SCP2: variants seen among roughly 807,000 people sequenced by gnomAD.
SCP2 encodes SCP-2/3-oxoacyl-CoA thiolase.
In SCP2, 48 loss-of-function variants were observed where a neutral mutation model predicts 71.4. The observed-to-expected ratio is 0.67, with a 90% CI of 0.53 to 0.86. The LOEUF (loss-of-function observed/expected upper bound fraction) is 0.86, where lower values mean the gene tolerates loss of function less well. Among genes scored for constraint, SCP2 ranks in the 40% least tolerant of loss-of-function variants. The pLI is 0.00. For missense variants in SCP2, 560 were observed against 655.6 expected, an observed-to-expected ratio of 0.85 and a Z score of 1.59; for synonymous variants, 220 against 218.1, an observed-to-expected ratio of 1.01 and a Z score of -0.08.
At position 52,974,733 on chromosome 1, in the gene SCP2, C is replaced by T. The variant is rs1009461765; in HGVS notation, c.524-36C>T. On this transcript the variant is annotated intron_variant, in intron 6 of 15. Coordinates refer to ENST00000371514, the MANE Select transcript of SCP2 (RefSeq NM_002979.5). ...GATTTGTTAATAAGCAGCGGAAAAA[C>T]ATTCACCCACTGGTAGATGTTTGCT... 2.8e-6 allele frequency: 3 copies of T among 1,071,674 alleles called. No homozygotes were observed. In the African/African-American group the frequency reaches 4.7e-5, roughly 17 times the overall value. The allele number at this position is 1,071,674 out of a possible 1,614,324, so 66.4% of individuals were successfully genotyped here.
intron 15 of SCP2, chr1:53,049,297 T>A (rs775887746): frequency 6.6e-5 from 10 of 152,260 alleles, no homozygotes; most frequent in Non-Finnish European, 1.3e-4. Flanking sequence ...GGTGTCAGCT[T>A]ATTTTCCTTC....
Position 52,948,039 on chromosome 1 carries a change from C to T in SCP2, c.158C>T (p.Pro53Leu). The T allele has an allele frequency of 1.2e-6, 2 of 1,613,412 alleles. No individual in the cohort carries two copies. The highest frequency in any genetic ancestry group is 1.7e-6 in the Non-Finnish European group (2 of 1,179,456). Residue 53 changes from proline (P) to leucine (L), a missense_variant, in exon 3 of 16, where the codon CCT becomes CTT. Coordinates refer to ENST00000371514, the MANE Select transcript of SCP2 (RefSeq NM_002979.5). ...AAGGCTTTAGCTGATGCACAGATCC[C>T]TTATTCAGCAGTGGACCAGGCATGT... is the stretch of plus-strand genomic sequence containing the variant. ...GKKALADAQI[P>L]YSAVDQACVG...
chr1:52,975,741 A>G (rs983992877), intron 7 of SCP2, among the ~76,000 whole-genome samples: 9 of 152,218 alleles, frequency 5.9e-5, no homozygotes, highest in African/African-American at 1.9e-4. Context: ...TTTGCCAGGA[A>G]ACATAAATAT....
chr1:53,026,359 G>T lies in SCP2; in HGVS notation c.1236-1610G>T, dbSNP rs768766168. On this transcript the variant is annotated intron_variant, in intron 12 of 15. Coordinates refer to ENST00000371514, the MANE Select transcript of SCP2 (RefSeq NM_002979.5). ...CCCTACTCCTGTTTCAAAGTACTTG[G>T]TACAGTTTGCAGTTATTTTGTGTTT... Among the ~76,000 whole-genome samples, 53 of 152,202 alleles carry T rather than the reference G, an allele frequency of 3.5e-4. 3 individuals are homozygous for T. Among genetic ancestry groups the T allele is most frequent in the Admixed American group, 1.6e-3 (24 of 15,294 alleles).
intron 14 of SCP2, among the ~76,000 whole-genome samples, chr1:53,043,113 C>A (rs1663548765): frequency 6.6e-6 from 1 of 152,184 alleles, no homozygotes; most frequent in Admixed American, 6.5e-5. Flanking sequence ...CCAAGGTAAA[C>A]TAGAAAGAGC....
chr1:52,999,384 T>C (rs571223885), intron 11 of SCP2, among the ~76,000 whole-genome samples: 16 of 152,228 alleles, frequency 1.1e-4, no homozygotes, highest in African/African-American at 1.4e-4. Context: ...TTCCAAAATA[T>C]GTTAAGACTA....
At chr1:52,950,024 A>G (rs888559521) in intron 3 of SCP2, among the ~76,000 whole-genome samples, 2 of 152,206 alleles carry the variant, frequency 1.3e-5, no homozygotes, top group Non-Finnish European at 2.9e-5. Context: ...CTTGGCATGC[A>G]GGGTCTTTTA....
chr1:53,023,223 A>C (rs527961766), intron 12 of SCP2, among the ~76,000 whole-genome samples: 1 of 152,324 alleles, frequency 6.6e-6, no homozygotes, highest in South Asian at 2.1e-4. Context: ...TGAGCTTTTC[A>C]AAACAAGCAA....
chr1:52,931,146 G>A (rs529850553), intron 1 of SCP2, among the ~76,000 whole-genome samples: 37 of 152,144 alleles, frequency 2.4e-4, no homozygotes, highest in Non-Finnish European at 4.6e-4. Context: ...AAAGTGAGTA[G>A]GAAAGGAAAC....
chr1:52,940,593 A>G (rs559698364), intron 1 of SCP2, among the ~76,000 whole-genome samples: 56 of 152,282 alleles, frequency 3.7e-4, no homozygotes, highest in African/African-American at 1.3e-3. Context: ...CTTATCTGTA[A>G]TGCACGGAAC....
chr1:53,011,283 G>A (rs370777759), intron 11 of SCP2, among the ~76,000 whole-genome samples: 3 of 152,150 alleles, frequency 2.0e-5, no homozygotes, highest in African/African-American at 4.8e-5. Flanking sequence ...AGGTTTATAC[G>A]TTCAAGGAGA....
At chr1:53,049,750 G>A (rs1664079374) in intron 15 of SCP2, 1 of 152,090 alleles carries the variant, frequency 6.6e-6, no homozygotes, top group East Asian at 1.9e-4. Context: ...CCAGACAGAG[G>A]AAGGGGAAAA....
intron 11 of SCP2, among the ~76,000 whole-genome samples, chr1:52,999,082 T>C (rs1055161360): frequency 1.4e-5 from 2 of 147,740 alleles, no homozygotes; most frequent in African/African-American, 5.1e-5. Flanking sequence ...AGTGATGGTA[T>C]AGCATTTTTT....
intron 11 of SCP2, among the ~76,000 whole-genome samples, chr1:53,010,035 C>A (rs962167838): frequency 2.6e-5 from 4 of 152,208 alleles, no homozygotes; most frequent in Non-Finnish European, 4.4e-5. Flanking sequence ...AAATGCTCAT[C>A]ATCACTGGCC....
At chr1:52,993,117 A>G (rs1290690184) in intron 11 of SCP2, 2 of 1,472,078 alleles carry the variant, frequency 1.4e-6, no homozygotes, top group Non-Finnish European at 1.9e-6. Flanking sequence ...CTAGAAAGGT[A>G]CCAACAAGAT....
intron 10 of SCP2, 27 bp downstream of exon 10, chr1:52,980,570 ATTCAGTAAAT>A: frequency 6.2e-7 from 1 of 1,600,082 alleles, no homozygotes; most frequent in Non-Finnish European, 8.6e-7. Context: ...GGGCAGATTA[ATTCAGTAAAT>A]TTCACTGAGA....
In SCP2 at chr1:52,960,087, TCAC is replaced by T. The variant is rs575062820; in HGVS notation, c.397-1412_397-1410del. 2.5e-4 allele frequency among the ~76,000 whole-genome samples: 38 copies of T among 152,148 alleles called. No homozygotes were observed. The East Asian group carries it at 7.2e-3, about 29-fold the overall frequency. Reference sequence around the variant, plus strand: ...TTTTATTTTTAGTAGCGACGGGGTTTCACCACGTTGGCCAGGCTGGCCTCAAAC... The same window carrying T: ...TTTTATTTTTAGTAGCGACGGGGTTTCACGTTGGCCAGGCTGGCCTCAAAC... On this transcript the variant is annotated intron_variant, in intron 5 of 15. Transcript: ENST00000371514.
chr1:53,006,235 C>T (rs1032535408), intron 11 of SCP2, among the ~76,000 whole-genome samples: 14 of 152,164 alleles, frequency 9.2e-5, no homozygotes, highest in African/African-American at 3.1e-4. Flanking sequence ...ACTTCCCCAA[C>T]CTAGCAAGGC....
At chr1:52,948,142 C>T (rs1654970407) in intron 3 of SCP2, 62 bp downstream of exon 3, 2 of 968,556 alleles carry the variant, frequency 2.1e-6, no homozygotes, top group Admixed American at 1.7e-5. Context: ...ACTATACAAA[C>T]AATGCGGAGG....
Sources: allele counts gnomAD v4.1 joint callset (sites outside exome capture counted in the v4.1 genomes callset), GRCh38; gene constraint gnomAD v4.1.1; transcripts MANE v1.5; gene names NCBI Gene and HGNC (gene_info 2026-07-23, HGNC 2026-07-21).